CLIC6: variants seen among roughly 807,000 people sequenced by gnomAD.
CLIC6 encodes the protein chloride intracellular channel protein 6.
A neutral mutation model predicts 49.2 loss-of-function variants in CLIC6; 39 were observed. The observed-to-expected ratio is 0.79, with a 90% CI of 0.61 to 1.04. CLIC6 has a LOEUF of 1.04. CLIC6 is among the 50% of genes least tolerant of loss of function. The probability of loss-of-function intolerance (pLI) is 0.00; values close to 1 mark genes in which losing one functional copy is unlikely to be tolerated. For missense variants in CLIC6, 988 were observed against 993.1 expected (o/e 0.99, Z 0.07); for synonymous variants, 446 against 433.4 (o/e 1.03, Z -0.36).
chr21:34,695,131 G>C (rs1990067773), intron 1 of CLIC6, among the ~76,000 whole-genome samples: 1 of 152,138 alleles, frequency 6.6e-6, no homozygotes, highest in Non-Finnish European at 1.5e-5. Context: ...GCACTAGCAG[G>C]GCTGCATTTC....
chr21:34,712,102 A>G (rs1226595024), intron 5 of CLIC6, among the ~76,000 whole-genome samples: 1 of 152,192 alleles, frequency 6.6e-6, no homozygotes, highest in Non-Finnish European at 1.5e-5. Context: ...GGTAAGCTTT[A>G]GAGTGAGATT....
chr21:34,707,201 T>A (rs1411706287), intron 1 of CLIC6, 79 bp from the exon 2 acceptor site: 5 of 1,066,092 alleles, frequency 4.7e-6, no homozygotes, highest in Admixed American at 1.7e-5. Flanking sequence ...CCTGCAATGA[T>A]TTTGCATGTG....
chr21:34,672,076 G>A (rs1242121837), intron 1 of CLIC6, among the ~76,000 whole-genome samples: 1 of 152,148 alleles, frequency 6.6e-6, no homozygotes, highest in African/African-American at 2.4e-5. Flanking sequence ...TCTGGCACAC[G>A]GCCTCTTAGC....
chr21:34,708,399 C>G (rs2056031706), intron 3 of CLIC6, among the ~76,000 whole-genome samples: 1 of 152,048 alleles, frequency 6.6e-6, no homozygotes, highest in African/African-American at 2.4e-5. Flanking sequence ...CTCGGGGGAG[C>G]TATTTCTACT....
chr21:34,708,130 T>G lies in CLIC6; in HGVS notation c.1610+61T>G, dbSNP rs890904578. ...GTCACTTTCCCCCACTAGTAGTCAG[T>G]TCTAAAGCTCTGGGCAGTGTGTGTG... On this transcript the variant is annotated intron_variant, in intron 3 of 5. Transcript: ENST00000349499. 4.4e-6 allele frequency: 7 copies of G among 1,594,422 alleles called. No homozygotes were observed. The African/African-American group carries it at 9.4e-5, about 21-fold the overall frequency.
intron 1 of CLIC6, among the ~76,000 whole-genome samples, chr21:34,694,576 T>A (rs978452599): frequency 2.6e-5 from 4 of 152,324 alleles, no homozygotes; most frequent in African/African-American, 9.6e-5. Flanking sequence ...GCTCTCTTCC[T>A]CCTTCTCCAG....
intron 5 of CLIC6, among the ~76,000 whole-genome samples, chr21:34,715,095 G>A (rs540010345): frequency 6.6e-6 from 1 of 152,252 alleles, no homozygotes; most frequent in Non-Finnish European, 1.5e-5. Context: ...TGCGCAGTAA[G>A]CCCCAAAGAT....
chr21:34,714,140 AAAGT>A (rs2056072962), intron 5 of CLIC6, among the ~76,000 whole-genome samples: 1 of 152,232 alleles, frequency 6.6e-6, no homozygotes, highest in Non-Finnish European at 1.5e-5. Context: ...AATCATAATC[AAAGT>A]AAGAATCCAG....
rs145427334 is a variant in CLIC6 at position 34,708,740 on chromosome 21, G to A, written c.1651G>A (p.Ala551Thr). 8.4e-5 allele frequency: 135 copies of A among 1,614,072 alleles called. No homozygotes were observed. The East Asian group carries it at 1.5e-3, about 18-fold the overall frequency. The change falls in exon 4 of 6, where the codon GCA becomes ACA. Residue 551 changes from alanine to threonine, a missense_variant. Ala to Thr is a moderately conservative substitution (Grantham distance 58). This residue lies in a region of CLIC6 where 647 missense variants were observed against 596.9 expected (regional missense o/e 1.08). Transcript: ENST00000349499. Reference sequence around the variant, plus strand: ...GACCCAACATCCCGAATCTAATTCCGCAGGAAATGACGTGTTTGCCAAATT... The same window carrying A: ...GACCCAACATCCCGAATCTAATTCCACAGGAAATGACGTGTTTGCCAAATT... ...LGTQHPESNSAGNDVFAKFSA... is the reference protein window; with the variant it reads ...LGTQHPESNSTGNDVFAKFSA...
intron 1 of CLIC6, among the ~76,000 whole-genome samples, chr21:34,672,866 A>G (rs148751772): frequency 6.6e-6 from 1 of 152,328 alleles, no homozygotes; most frequent in African/African-American, 2.4e-5. Flanking sequence ...ACCGTGAGAA[A>G]TTGAGAATTA....
intron 1 of CLIC6, among the ~76,000 whole-genome samples, chr21:34,672,192 C>G (rs1989579376): frequency 6.6e-6 from 1 of 152,212 alleles, no homozygotes; most frequent in Non-Finnish European, 1.5e-5. Flanking sequence ...CGGACAAGAT[C>G]TGATCATTTT....
At chr21:34,691,860 C>A (rs1990001610) in intron 1 of CLIC6, among the ~76,000 whole-genome samples, 1 of 152,132 alleles carries the variant, frequency 6.6e-6, no homozygotes, top group South Asian at 2.1e-4. Flanking sequence ...GTTCTTTTTG[C>A]CCTTTAAAAT....
chr21:34,713,956 C>T (rs1218740422), intron 5 of CLIC6, among the ~76,000 whole-genome samples: 1 of 152,062 alleles, frequency 6.6e-6, no homozygotes, highest in African/African-American at 2.4e-5. Flanking sequence ...CAGACTGGCC[C>T]CAGATGTCTT....
intron 1 of CLIC6, among the ~76,000 whole-genome samples, chr21:34,672,560 C>CCTG (rs1989585739): frequency 6.6e-6 from 1 of 152,152 alleles, no homozygotes; most frequent in African/African-American, 2.4e-5. Context: ...GTCGGATGAC[C>CCTG]CTGTTAAGGC....
intron 1 of CLIC6, among the ~76,000 whole-genome samples, chr21:34,696,123 G>A (rs1179820139): frequency 3.3e-5 from 5 of 152,112 alleles, no homozygotes; most frequent in African/African-American, 1.2e-4. Context: ...TTGTCATCTG[G>A]AGTTGTAGCA....
At chr21:34,678,039 C>T (rs912380478) in intron 1 of CLIC6, among the ~76,000 whole-genome samples, 4 of 152,082 alleles carry the variant, frequency 2.6e-5, no homozygotes, top group African/African-American at 9.7e-5. Context: ...TTTGATGTAT[C>T]CTGTATGACT....
chr21:34,694,537 G>C (rs1990058318), intron 1 of CLIC6, among the ~76,000 whole-genome samples: 2 of 152,044 alleles, frequency 1.3e-5, no homozygotes, highest in African/African-American at 4.8e-5. Flanking sequence ...AAATCTGGTT[G>C]TTTAAAACTG....
intron 5 of CLIC6, among the ~76,000 whole-genome samples, chr21:34,712,963 G>A (rs978341797): frequency 4.6e-5 from 7 of 152,172 alleles, no homozygotes; most frequent in Non-Finnish European, 8.8e-5. Flanking sequence ...AGTGGTTGGC[G>A]ACAAGGTGCT....
chr21:34,683,839 T>C (rs1989825464), intron 1 of CLIC6, among the ~76,000 whole-genome samples: 1 of 152,206 alleles, frequency 6.6e-6, no homozygotes, highest in Admixed American at 6.5e-5. Flanking sequence ...TCTTTATAAA[T>C]TACCCAGTCT....
Sources: allele counts gnomAD v4.1 joint callset (sites outside exome capture counted in the v4.1 genomes callset), GRCh38; gene constraint gnomAD v4.1.1; regional missense constraint gnomAD v4.1.1; transcripts MANE v1.5; gene names NCBI Gene and HGNC (gene_info 2026-07-23, HGNC 2026-07-21).